Variants in OPRM1 observed in about 807,000 individuals in gnomAD.
OPRM1 encodes the protein opioid receptor mu 1.
OPRM1 carries 27 observed loss-of-function variants against 31.8 expected under a neutral mutation model. The ratio of observed to expected loss-of-function variants is 0.85; its 90% CI spans 0.63 to 1.17. The LOEUF is 1.17. Among genes scored for constraint, OPRM1 ranks in the 50% most tolerant of loss-of-function variants. The probability of loss-of-function intolerance (pLI) is 0.00; values close to 1 mark genes in which losing one functional copy is unlikely to be tolerated. For synonymous variants in OPRM1, 196 were observed against 189.9 expected (o/e 1.03, Z -0.26); for missense variants, 536 against 511.1 (o/e 1.05, Z -0.47).
At chr6:154,236,901 G>A (rs1304576231) in intron 3 of OPRM1, among the ~76,000 whole-genome samples, 1 of 152,190 alleles carries the variant, frequency 6.6e-6, no homozygotes, top group Non-Finnish European at 1.5e-5. Flanking sequence ...CCTGCAGCGT[G>A]CCTTTTCCTT....
chr6:154,031,242 G>C (rs1778990117), intron 1 of OPRM1, among the ~76,000 whole-genome samples: 1 of 152,142 alleles, frequency 6.6e-6, no homozygotes, highest in South Asian at 2.1e-4. Context: ...AGTGCTTAAA[G>C]AGAAAATTAT....
chr6:154,221,881 A>G (rs1778894668), intron 3 of OPRM1, among the ~76,000 whole-genome samples: 1 of 152,218 alleles, frequency 6.6e-6, no homozygotes, highest in African/African-American at 2.4e-5. Flanking sequence ...CTCAAAAAAC[A>G]AATAAATAAA....
chr6:154,224,227 G>C (rs1211824220), intron 3 of OPRM1, among the ~76,000 whole-genome samples: 2 of 152,194 alleles, frequency 1.3e-5, no homozygotes, highest in Admixed American at 6.5e-5. Context: ...TATTAAGTTA[G>C]TGCCATGGGT....
intron 3 of OPRM1, among the ~76,000 whole-genome samples, chr6:154,210,372 A>G (rs1467705559): frequency 6.6e-6 from 1 of 152,212 alleles, no homozygotes; most frequent in East Asian, 1.9e-4. Context: ...AGGGAGAACA[A>G]CTAAACATTT....
chr6:154,239,632 G>C (rs939359500), intron 3 of OPRM1, among the ~76,000 whole-genome samples: 4 of 152,142 alleles, frequency 2.6e-5, no homozygotes, highest in African/African-American at 9.7e-5. Flanking sequence ...CCTTTCTAAT[G>C]CAAATTCTAG....
At chr6:154,010,910 A>G (rs1329533995) in exon 1 of OPRM1, 2 of 1,314,666 alleles carry the variant, frequency 1.5e-6, no homozygotes, top group South Asian at 1.2e-5. Context: ...CAGCCCTTAC[A>G]TCCCATCAAA....
intron 1 of OPRM1, among the ~76,000 whole-genome samples, chr6:154,016,012 T>C (rs982850831): frequency 2.6e-5 from 4 of 151,714 alleles, no homozygotes; most frequent in Admixed American, 2.0e-4. Flanking sequence ...TCTTGTAGAG[T>C]TGCAAAATGT....
chr6:154,148,811 C>A (rs1798421912), intron 3 of OPRM1, among the ~76,000 whole-genome samples: 1 of 152,188 alleles, frequency 6.6e-6, no homozygotes. Context: ...ATAAGTGAGG[C>A]TGTAGGGCAG....
rs1797192323 is a variant in OPRM1, at chr6:154,119,568, CTT to C, written c.*849_*850del. 2.5e-6 allele frequency: 1 copy of C among 403,118 alleles called. No individual in the cohort carries two copies. The highest frequency in any genetic ancestry group is 2.2e-5 in the African/African-American group (1 of 45,882). The allele number at this position is 403,118 out of a possible 1,614,324, so 25.0% of individuals were successfully genotyped here. On this transcript the variant is annotated 3_prime_UTR_variant, in exon 4 of 4. Coordinates refer to ENST00000330432, the MANE Select transcript of OPRM1 (RefSeq NM_000914.5). ...AGGAAGTCAAGCATTAAAATGTACT[CTT>C]TATTTCTCACTGGTTTCTCCATACT... is the stretch of plus-strand genomic sequence containing the variant.
intron 1 of OPRM1, among the ~76,000 whole-genome samples, chr6:154,023,322 G>A (rs192123021): frequency 6.4e-4 from 98 of 152,098 alleles, no homozygotes; most frequent in African/African-American, 2.3e-3. Context: ...TATTGTAAAT[G>A]GAATTACTTT....
At chr6:154,246,037 A>G (rs1486596034) in intron 3 of OPRM1, among the ~76,000 whole-genome samples, 1 of 152,214 alleles carries the variant, frequency 6.6e-6, no homozygotes, top group Non-Finnish European at 1.5e-5. Flanking sequence ...ACCAGGGGAC[A>G]AGAGGTGACA....
chr6:154,137,065 G>A (rs1288974641), downstream of OPRM1, among the ~76,000 whole-genome samples: 1 of 152,100 alleles, frequency 6.6e-6, no homozygotes, highest in East Asian at 1.9e-4. Context: ...AGTAATACTA[G>A]TATCTCGTTT....
At chr6:154,097,879 T>C (rs1793677869) in intron 3 of OPRM1, among the ~76,000 whole-genome samples, 1 of 152,190 alleles carries the variant, frequency 6.6e-6, no homozygotes, top group South Asian at 2.1e-4. Flanking sequence ...ACCTCTACTC[T>C]ATAGTTGAGG....
At chr6:154,216,468 A>G (rs1210580072) in intron 3 of OPRM1, among the ~76,000 whole-genome samples, 1 of 152,250 alleles carries the variant, frequency 6.6e-6, no homozygotes, top group East Asian at 1.9e-4. Context: ...AAGATCAAGC[A>G]TAGAATAGTA....
chr6:154,214,400 G>C, intron 3 of OPRM1: 3 of 764,674 alleles, frequency 3.9e-6, no homozygotes, highest in Admixed American at 3.9e-5. Flanking sequence ...TTTCCAGAAA[G>C]AGCATAAGTT....
At chr6:154,070,681 C>T (rs1283428722) in intron 1 of OPRM1, among the ~76,000 whole-genome samples, 1 of 152,212 alleles carries the variant, frequency 6.6e-6, no homozygotes, top group Non-Finnish European at 1.5e-5. Flanking sequence ...ACTAACATCA[C>T]AGACACAGTT....
At chr6:154,088,087 T>TAA (rs58000752) in intron 1 of OPRM1, among the ~76,000 whole-genome samples, 23 of 147,554 alleles carry the variant, frequency 1.6e-4, no homozygotes, top group South Asian at 8.6e-4. Flanking sequence ...GTGAATGGAT[T>TAA]AAAAAAAAAA....
chr6:154,242,296 A>G (rs1439367243), intron 3 of OPRM1, among the ~76,000 whole-genome samples: 1 of 152,290 alleles, frequency 6.6e-6, no homozygotes, highest in Non-Finnish European at 1.5e-5. Context: ...TCCTTTTCCC[A>G]TATCTGTTTT....
chr6:154,236,723 T>C (rs1780164899), intron 3 of OPRM1, among the ~76,000 whole-genome samples: 1 of 152,190 alleles, frequency 6.6e-6, no homozygotes. Context: ...CATCTATTCA[T>C]GCTTCTGTTG....
Sources: gnomAD v4.1 joint callset for allele counts (sites outside exome capture counted in the v4.1 genomes callset) on GRCh38, gnomAD v4.1.1 for gene constraint, MANE v1.5 for transcripts, NCBI Gene and HGNC (gene_info 2026-07-23, HGNC 2026-07-21) for gene names.